Variants in TBC1D32 observed in about 807,000 individuals in gnomAD.
TBC1D32 encodes TBC1 domain family member 32, also known as protein broad-minded.
Under a neutral mutation model 170.3 loss-of-function variants are expected in TBC1D32, and 151 were observed. The ratio of observed to expected loss-of-function variants is 0.89; its 90% CI spans 0.78 to 1.01. The LOEUF is 1.01. Among genes scored for constraint, TBC1D32 ranks in the 50% least tolerant of loss-of-function variants. TBC1D32 has a pLI of 0.00. For missense variants in TBC1D32, 1,464 were observed against 1,457.1 expected (o/e 1.00, Z -0.08); for synonymous variants, 498 against 488.0 (o/e 1.02, Z -0.27).
chr6:121,101,383 T>C (rs1396383875), intron 30 of TBC1D32, among the ~76,000 whole-genome samples: 1 of 152,026 alleles, frequency 6.6e-6, no homozygotes, highest in Non-Finnish European at 1.5e-5. Context: ...AAAAAGTTGA[T>C]CCACCAAGAT....
At chr6:121,270,962 C>G (rs1195131684) in intron 15 of TBC1D32, among the ~76,000 whole-genome samples, 2 of 152,040 alleles carry the variant, frequency 1.3e-5, no homozygotes, top group Non-Finnish European at 2.9e-5. Flanking sequence ...TCAACATATG[C>G]AAATCAATAA....
chr6:121,308,770 G>A (rs9320804), intron 4 of TBC1D32, among the ~76,000 whole-genome samples: 144,993 of 149,516 alleles, frequency 0.97, 70,271 homozygotes, highest in Middle Eastern at 1. Flanking sequence ...ATCTCGGCTC[G>A]CTGCAGAAAG....
At chr6:121,107,502 A>G (rs1047775909) in intron 29 of TBC1D32, among the ~76,000 whole-genome samples, 5 of 151,956 alleles carry the variant, frequency 3.3e-5, no homozygotes, top group African/African-American at 1.2e-4. Context: ...CAGTAAATGG[A>G]TATCTTGTAG....
At chr6:121,105,967 T>C in intron 30 of TBC1D32, 56 bp downstream of exon 30, 30 of 1,463,508 alleles carry the variant, frequency 2.0e-5, no homozygotes, top group Non-Finnish European at 2.5e-5. Flanking sequence ...AACACAGTTT[T>C]ATTTGAAGAC....
At chr6:121,081,806 C>T (rs1002567213) in intron 31 of TBC1D32, among the ~76,000 whole-genome samples, 5 of 152,030 alleles carry the variant, frequency 3.3e-5, no homozygotes, top group East Asian at 1.9e-4. Context: ...TCAGATATCA[C>T]TTATCACTTA....
At chr6:121,085,164 T>C (rs1776050554) in intron 31 of TBC1D32, among the ~76,000 whole-genome samples, 1 of 150,226 alleles carries the variant, frequency 6.7e-6, no homozygotes, top group Non-Finnish European at 1.5e-5. Flanking sequence ...TCTTTACCCT[T>C]ACTAGAGATA....
intron 17 of TBC1D32, among the ~76,000 whole-genome samples, chr6:121,243,550 G>A (rs1035132295): frequency 2.0e-5 from 3 of 151,806 alleles, no homozygotes; most frequent in Non-Finnish European, 2.9e-5. Flanking sequence ...CAAAATATTA[G>A]TAGAGATATT....
At chr6:121,220,640 CTTTTTTTTTTTTTT>C (rs923251281) in intron 21 of TBC1D32, among the ~76,000 whole-genome samples, 1 of 126,210 alleles carries the variant, frequency 7.9e-6, no homozygotes, top group African/African-American at 3.0e-5. Context: ...TTTTCTTTTT[CTTTTTTTTTTTTTT>C]TTTTGAGATT....
At chr6:121,215,572 C>T (rs114711128) in intron 21 of TBC1D32, among the ~76,000 whole-genome samples, 4,165 of 152,198 alleles carry the variant, frequency 0.027, 153 homozygotes, top group African/African-American at 0.087. Context: ...AAACAGACAA[C>T]CTATAGTATG....
chr6:121,334,655 T>C, upstream of TBC1D32: 2 of 582,132 alleles, frequency 3.4e-6, no homozygotes, highest in Non-Finnish European at 6.1e-6. Flanking sequence ...TCGCCTCTGG[T>C]ACTCTTAGTT....
At chr6:121,294,250 T>TA (rs931522162) in intron 11 of TBC1D32, among the ~76,000 whole-genome samples, 189 of 152,276 alleles carry the variant, frequency 1.2e-3, no homozygotes, top group African/African-American at 3.9e-3. Context: ...AGATGACTGA[T>TA]ACATTATTGA....
intron 24 of TBC1D32, among the ~76,000 whole-genome samples, chr6:121,144,556 A>G (rs1458251588): frequency 6.6e-6 from 1 of 152,128 alleles, no homozygotes; most frequent in Non-Finnish European, 1.5e-5. Flanking sequence ...GCCATTTCTG[A>G]AAGGGGAAAA....
chr6:121,249,794 CA>C (rs1035242246), intron 17 of TBC1D32, among the ~76,000 whole-genome samples: 17 of 150,600 alleles, frequency 1.1e-4, no homozygotes, highest in African/African-American at 3.4e-4. Flanking sequence ...AAGATCTCTA[CA>C]AAAAAAAACT....
At chr6:121,308,547 A>C (rs1459011624) in intron 4 of TBC1D32, among the ~76,000 whole-genome samples, 1 of 151,924 alleles carries the variant, frequency 6.6e-6, no homozygotes, top group Non-Finnish European at 1.5e-5. Context: ...AACAATTCTC[A>C]CAAAACAATC....
intron 30 of TBC1D32, among the ~76,000 whole-genome samples, chr6:121,104,818 A>T (rs780184216): frequency 7.2e-5 from 11 of 151,754 alleles, no homozygotes; most frequent in Non-Finnish European, 1.6e-4. Context: ...TAGACTGAGT[A>T]TAATAACACA....
At chr6:121,093,991 A>G (rs1777115632) in intron 30 of TBC1D32, among the ~76,000 whole-genome samples, 1 of 152,096 alleles carries the variant, frequency 6.6e-6, no homozygotes, top group African/African-American at 2.4e-5. Context: ...AAAGTTTACA[A>G]TTAAAGGGGA....
intron 25 of TBC1D32, among the ~76,000 whole-genome samples, chr6:121,131,059 G>T (rs1428068333): frequency 6.6e-6 from 1 of 151,870 alleles, no homozygotes; most frequent in Non-Finnish European, 1.5e-5. Context: ...AGGAAATCTA[G>T]CTTATATTGA....
chr6:121,120,461 T>C (rs1449083581), intron 26 of TBC1D32, among the ~76,000 whole-genome samples: 1 of 152,100 alleles, frequency 6.6e-6, no homozygotes, highest in Non-Finnish European at 1.5e-5. Context: ...AATTGGAGAT[T>C]ATTATGCTTA....
intron 15 of TBC1D32, among the ~76,000 whole-genome samples, 171 bp from the exon 16 acceptor site, chr6:121,256,456 T>C (rs1052921484): frequency 2.0e-5 from 3 of 152,112 alleles, no homozygotes; most frequent in Admixed American, 2.0e-4. Flanking sequence ...TGAGAACAGT[T>C]TCCGTGGGAT....
Sources: allele counts gnomAD v4.1 joint callset (sites outside exome capture counted in the v4.1 genomes callset), GRCh38; gene constraint gnomAD v4.1.1; transcripts MANE v1.5; gene names NCBI Gene and HGNC (gene_info 2026-07-23, HGNC 2026-07-21).